TTLL5: variants seen among roughly 807,000 people sequenced by gnomAD.
TTLL5 encodes tubulin tyrosine ligase like 5.
In TTLL5, 132 loss-of-function variants were observed where a neutral mutation model predicts 168.4. The observed-to-expected ratio is 0.78, with a 90% CI of 0.68 to 0.91. TTLL5 has a LOEUF of 0.91. Among genes scored for constraint, TTLL5 ranks in the 40% least tolerant of loss-of-function variants. TTLL5 has a pLI of 0.00. For missense variants in TTLL5, 1,545 were observed against 1,581.5 expected, an observed-to-expected ratio of 0.98 and a Z score of 0.39; for synonymous variants, 546 against 558.6, an observed-to-expected ratio of 0.98 and a Z score of 0.32.
Position 75,882,774 on chromosome 14 carries a change from T to C in TTLL5, c.3612T>C (p.Ser1204=). The change falls in exon 30 of 32, where the codon AGT becomes AGC. Residue 1204 remains serine (S), a synonymous_variant. Transcript: ENST00000298832. ...GTAGAATTTCCAGTGCCACAGCTAG[T>C]GGCCAGAAGCCAACCACTCTGCCAC... The part of the protein sequence containing the change: ...AGCRISSATA[S]GQKPTTLPQK... 1 of 1,614,146 alleles carries C rather than the reference T, an allele frequency of 6.2e-7. No homozygotes were observed.
chr14:75,743,652 G>A lies in TTLL5; in HGVS notation c.1282-1443G>A, dbSNP rs1889413291. Among the ~76,000 whole-genome samples the A allele has an allele frequency of 3.1e-5, 4 of 130,566 alleles. No individual in the cohort carries two copies. The South Asian group carries it at 1.0e-3, about 33-fold the overall frequency. 85.7% of individuals were successfully genotyped at this position (130,566 alleles called of 152,430 possible). A position where few individuals can be genotyped will look rare whatever the true frequency, so the allele number is the denominator to read the frequency against. On this transcript the variant is annotated intron_variant, in intron 15 of 31. Transcript: ENST00000298832. ...GCTGGAGTGCAGTGGCGTGATCTCA[G>A]CTCACTGCATGCTCCGCCTCCTGGG... is the stretch of plus-strand genomic sequence containing the variant.
At chr14:75,928,866 C>A (rs1288342083) in intron 31 of TTLL5, among the ~76,000 whole-genome samples, 1 of 152,104 alleles carries the variant, frequency 6.6e-6, no homozygotes, top group Non-Finnish European at 1.5e-5. Flanking sequence ...ATTTCCCTTG[C>A]AGAAAGGGTG....
In TTLL5 at chr14:75,938,924, G is replaced by T. The variant is rs1473568640; in HGVS notation, c.3824-15500G>T. ...GCTTGATTGCCTATACTCTAGAGCA[G>T]TGATTGTTAAACTGTGAGTCGTGAC... is the stretch of plus-strand genomic sequence containing the variant. On this transcript the variant is annotated intron_variant, in intron 31 of 31. Coordinates refer to ENST00000298832, the MANE Select transcript of TTLL5 (RefSeq NM_015072.5). Among the ~76,000 whole-genome samples the T allele has an allele frequency of 4.6e-5, 7 of 152,230 alleles. No individual in the cohort carries two copies. In the East Asian group the frequency reaches 1.3e-3, roughly 29 times the overall value.
At chr14:75,914,791 T>C (rs948168287) in intron 31 of TTLL5, among the ~76,000 whole-genome samples, 2 of 152,074 alleles carry the variant, frequency 1.3e-5, no homozygotes, top group Non-Finnish European at 2.9e-5. Context: ...GCCTGGCTAA[T>C]TTTTTGTATT....
intron 31 of TTLL5, among the ~76,000 whole-genome samples, chr14:75,914,685 C>G (rs567617357): frequency 1.4e-5 from 2 of 142,620 alleles, no homozygotes; most frequent in East Asian, 4.1e-4. Flanking sequence ...ATGCAATGGC[C>G]CAATCTCGGC....
chr14:75,819,925 G>T, intron 27 of TTLL5, 82 bp from the exon 28 acceptor site: 1 of 1,464,666 alleles, frequency 6.8e-7, no homozygotes, highest in South Asian at 1.4e-5. Context: ...TGTTGGCCTT[G>T]ACTTGATTTT....
intron 6 of TTLL5, among the ~76,000 whole-genome samples, chr14:75,695,234 A>G (rs559332771): frequency 6.6e-6 from 1 of 152,332 alleles, no homozygotes; most frequent in South Asian, 2.1e-4. Context: ...AAGATAAGGG[A>G]TAAAATAAGC....
Position 75,764,730 on chromosome 14 carries a change from C to A in TTLL5, c.1666C>A (p.Arg556=), listed in dbSNP as rs770811029. The change falls in exon 19 of 32, where the codon CGA becomes AGA. Residue 556 remains arginine, a synonymous_variant. Coordinates refer to ENST00000298832, the MANE Select transcript of TTLL5 (RefSeq NM_015072.5). The stretch of plus-strand genomic sequence containing the variant: ...GTCTCTGGAGGTGCGAAAACGTAGA[C>A]GACGGAGTAGCAGATTGAGGGCAAT... ...LLSLEVRKRR[R]RSSRLRAMRP... 7.8e-5 allele frequency: 126 copies of A among 1,613,868 alleles called. No homozygotes were observed. Among genetic ancestry groups the A allele is most frequent in the Non-Finnish European group, 9.9e-5 (117 of 1,179,854 alleles).
intron 28 of TTLL5, among the ~76,000 whole-genome samples, chr14:75,853,777 C>T (rs964763589): frequency 1.3e-5 from 2 of 152,228 alleles, no homozygotes; most frequent in Admixed American, 1.3e-4. Context: ...GACGCAGTGG[C>T]TTACGCCTGT....
At chr14:75,860,573 T>C (rs753030814) in intron 28 of TTLL5, among the ~76,000 whole-genome samples, 14 of 152,188 alleles carry the variant, frequency 9.2e-5, no homozygotes, top group Non-Finnish European at 1.9e-4. Flanking sequence ...TAACTAATAG[T>C]TTAATTCTGG....
At chr14:75,725,937 G>A (rs1020955537) in intron 12 of TTLL5, among the ~76,000 whole-genome samples, 13 of 152,138 alleles carry the variant, frequency 8.5e-5, no homozygotes, top group Admixed American at 6.5e-4. Context: ...TCTCCTTCTG[G>A]ACCCCATATA....
chr14:75,822,116 C>T (rs1056510092), intron 28 of TTLL5, among the ~76,000 whole-genome samples: 1 of 152,160 alleles, frequency 6.6e-6, no homozygotes, highest in Non-Finnish European at 1.5e-5. Context: ...TGATATAGGC[C>T]GCAGCCAGAC....
chr14:75,880,706 C>G (rs994089852), intron 29 of TTLL5, among the ~76,000 whole-genome samples: 42 of 152,286 alleles, frequency 2.8e-4, no homozygotes, highest in Admixed American at 1.2e-3. Flanking sequence ...ATGGAAACAA[C>G]AGCTGCAAAG....
chr14:75,882,945 C>G, intron 30 of TTLL5, 43 bp downstream of exon 30: 2 of 1,581,906 alleles, frequency 1.3e-6, no homozygotes, highest in African/African-American at 2.7e-5. Context: ...TTTATCAGTT[C>G]TAAGCTAATA....
chr14:75,715,151 C>A (rs1332389806), intron 9 of TTLL5, among the ~76,000 whole-genome samples: 6 of 152,046 alleles, frequency 3.9e-5, no homozygotes, highest in African/African-American at 1.2e-4. Flanking sequence ...CACTGGGCCA[C>A]TGTCCCATTC....
At chr14:75,778,383 GAC>G (rs1221654527) in intron 23 of TTLL5, among the ~76,000 whole-genome samples, 1 of 152,212 alleles carries the variant, frequency 6.6e-6, no homozygotes, top group Non-Finnish European at 1.5e-5. Flanking sequence ...CAAAGGATAA[GAC>G]AGATATAAAG....
chr14:75,880,755 C>A (rs2031764374), intron 29 of TTLL5, among the ~76,000 whole-genome samples: 1 of 152,204 alleles, frequency 6.6e-6, no homozygotes, highest in African/African-American at 2.4e-5. Flanking sequence ...AAGGCTGCCT[C>A]CTGCTGGAAG....
intron 5 of TTLL5, among the ~76,000 whole-genome samples, chr14:75,688,113 T>A (rs1295261455): frequency 6.6e-6 from 1 of 152,182 alleles, no homozygotes; most frequent in African/African-American, 2.4e-5. Flanking sequence ...TTTTATATAC[T>A]AATGACTTAA....
At chr14:75,718,364 C>T (rs118127074) in intron 10 of TTLL5, among the ~76,000 whole-genome samples, 150 of 152,210 alleles carry the variant, frequency 9.9e-4, no homozygotes, top group Non-Finnish European at 1.7e-3. Context: ...AGGAACTTAA[C>T]CTTAAGGAAT....
Sources: gnomAD v4.1 joint callset for allele counts (sites outside exome capture counted in the v4.1 genomes callset) on GRCh38, gnomAD v4.1.1 for gene constraint, MANE v1.5 for transcripts, NCBI Gene and HGNC (gene_info 2026-07-23, HGNC 2026-07-21) for gene names.